TMEM132D: variants seen among roughly 807,000 people sequenced by gnomAD.
TMEM132D encodes the protein transmembrane protein 132D.
TMEM132D carries 21 observed loss-of-function variants against 62.3 expected under a neutral mutation model. The ratio of observed to expected loss-of-function variants is 0.34; its 90% CI spans 0.24 to 0.49. TMEM132D has a LOEUF of 0.49. TMEM132D is among the 20% of genes least tolerant of loss of function. The pLI is 0.99. For synonymous variants in TMEM132D, 621 were observed against 575.6 expected, an observed-to-expected ratio of 1.08 and a Z score of -1.13; for missense variants, 1,346 against 1,402.8, an observed-to-expected ratio of 0.96 and a Z score of 0.65.
At chr12:129,120,230 G>T (rs1390473991) in intron 5 of TMEM132D, among the ~76,000 whole-genome samples, 1 of 152,184 alleles carries the variant, frequency 6.6e-6, no homozygotes, top group Non-Finnish European at 1.5e-5. Context: ...CACCTACATG[G>T]TGAGGTACAG....
At chr12:129,406,158 A>C (rs1003260787) in intron 3 of TMEM132D, among the ~76,000 whole-genome samples, 9 of 152,240 alleles carry the variant, frequency 5.9e-5, no homozygotes, top group Non-Finnish European at 1.0e-4. Context: ...GCTTTACAAC[A>C]TACACCTTTT....
At chr12:129,722,096 A>T (rs1868853818) in intron 1 of TMEM132D, among the ~76,000 whole-genome samples, 1 of 152,194 alleles carries the variant, frequency 6.6e-6, no homozygotes, top group Non-Finnish European at 1.5e-5. Flanking sequence ...AGCCCATATG[A>T]CAGAAAACCT....
chr12:129,869,137 T>C (rs1331907726), intron 1 of TMEM132D, among the ~76,000 whole-genome samples: 2 of 152,044 alleles, frequency 1.3e-5, no homozygotes, highest in African/African-American at 4.8e-5. Flanking sequence ...CCATTATACA[T>C]TGTCTTATGC....
chr12:129,423,561 C>T (rs1281047651), intron 3 of TMEM132D, among the ~76,000 whole-genome samples: 2 of 152,082 alleles, frequency 1.3e-5, no homozygotes, highest in Non-Finnish European at 2.9e-5. Context: ...CAATGTCTTC[C>T]ACAGGAGGGG....
At chr12:129,802,900 TAAAAC>T (rs906812895) in intron 1 of TMEM132D, among the ~76,000 whole-genome samples, 5 of 151,116 alleles carry the variant, frequency 3.3e-5, no homozygotes, top group African/African-American at 1.2e-4. Context: ...TAGTCTCTGA[TAAAAC>T]AGACTTTAAA....
chr12:129,327,825 A>ACTCTG (rs1868964968), intron 4 of TMEM132D, among the ~76,000 whole-genome samples: 1 of 152,204 alleles, frequency 6.6e-6, no homozygotes, highest in Non-Finnish European at 1.5e-5. Flanking sequence ...AGTGATATTA[A>ACTCTG]AAAATAAATC....
chr12:129,497,071 G>C (rs1185259944), intron 3 of TMEM132D, among the ~76,000 whole-genome samples: 1 of 152,160 alleles, frequency 6.6e-6, no homozygotes, highest in Non-Finnish European at 1.5e-5. Flanking sequence ...ACTTTGAGAG[G>C]CTGAGACGGG....
intron 4 of TMEM132D, among the ~76,000 whole-genome samples, chr12:129,329,548 T>G (rs1230222970): frequency 6.6e-6 from 1 of 152,312 alleles, no homozygotes; most frequent in South Asian, 2.1e-4. Context: ...CTCCTTTCCC[T>G]AATTTGACAG....
At position 129,555,469 on chromosome 12, in the gene TMEM132D, T is replaced by A. The variant is rs73155289; in HGVS notation, c.969-24264A>T. Reference sequence around the variant, plus strand: ...AAATGTCGGCCTTATTAACCATACATGTTAAAATAGCTAGGGAAGCAACCA... The same window carrying A: ...AAATGTCGGCCTTATTAACCATACAAGTTAAAATAGCTAGGGAAGCAACCA... On this transcript the variant is annotated intron_variant, in intron 2 of 8. Coordinates refer to ENST00000422113, the MANE Select transcript of TMEM132D (RefSeq NM_133448.3). Among the ~76,000 whole-genome samples the A allele has an allele frequency of 2.6e-5, 4 of 152,320 alleles. No homozygotes were observed. In the East Asian group the frequency reaches 7.7e-4, roughly 29 times the overall value.
At chr12:129,381,891 C>T (rs1218691684) in intron 3 of TMEM132D, among the ~76,000 whole-genome samples, 2 of 152,176 alleles carry the variant, frequency 1.3e-5, no homozygotes, top group Non-Finnish European at 2.9e-5. Context: ...ACCACTTCCT[C>T]GGCTTCTGAA....
chr12:129,441,724 C>T (rs1024517236), intron 3 of TMEM132D, among the ~76,000 whole-genome samples: 8 of 152,058 alleles, frequency 5.3e-5, no homozygotes, highest in Non-Finnish European at 8.8e-5. Context: ...ATAGCAGCTA[C>T]GGAACCGACC....
Position 129,390,690 on chromosome 12 carries a change from C to T in TMEM132D, c.1116-52873G>A, listed in dbSNP as rs1160921349. ...CTTCCAAAGGCCTCTCTCCTTGGTC[C>T]TCCTTCTTCTTGCTGGTGACTCTGG... On this transcript the variant is annotated intron_variant, in intron 3 of 8. Transcript: ENST00000422113. 2.6e-5 allele frequency among the ~76,000 whole-genome samples: 4 copies of T among 152,234 alleles called. 1 individual carries two copies.
chr12:129,874,482 A>ACC (rs1874350873), intron 1 of TMEM132D, among the ~76,000 whole-genome samples: 1 of 151,984 alleles, frequency 6.6e-6, no homozygotes, highest in Admixed American at 6.6e-5. Context: ...TGCGTTCATT[A>ACC]ACTTGATTGT....
chr12:129,769,370 T>TA, intron 1 of TMEM132D, among the ~76,000 whole-genome samples: 1 of 152,128 alleles, frequency 6.6e-6, no homozygotes. Context: ...AAACCCCTTA[T>TA]AAAATCGTCA....
At chr12:129,891,574 A>C (rs558719105) in intron 1 of TMEM132D, among the ~76,000 whole-genome samples, 43 of 152,310 alleles carry the variant, frequency 2.8e-4, no homozygotes, top group Non-Finnish European at 4.4e-4. Context: ...CCTTTCAGGA[A>C]AGAACTTGGC....
Position 129,139,216 on chromosome 12 carries a change from ATTCT to A in TMEM132D, c.1444-54518_1444-54515del, listed in dbSNP as rs199681629. Among the ~76,000 whole-genome samples the A allele has an allele frequency of 6.1e-3, 926 of 152,300 alleles. 31 individuals carry two copies. Among genetic ancestry groups the A allele is most frequent in the Admixed American group, 0.05 (772 of 15,288 alleles). On this transcript the variant is annotated intron_variant, in intron 5 of 8. Coordinates refer to ENST00000422113, the MANE Select transcript of TMEM132D (RefSeq NM_133448.3). ...AGTGATGGGCTGCCTGACTCTCAAA[ATTCT>A]TTCTTTCCAGTAGAGAGCAAAACAT... is the stretch of plus-strand genomic sequence containing the variant.
intron 3 of TMEM132D, among the ~76,000 whole-genome samples, chr12:129,465,679 A>G (rs533056733): frequency 1.4e-4 from 21 of 152,296 alleles, no homozygotes; most frequent in Admixed American, 3.9e-4. Context: ...CCAAATCATG[A>G]GTGAACTCCT....
intron 5 of TMEM132D, among the ~76,000 whole-genome samples, chr12:129,135,470 C>T (rs781211612): frequency 6.6e-6 from 1 of 152,164 alleles, no homozygotes; most frequent in African/African-American, 2.4e-5. Context: ...ATCATCTCTG[C>T]TCCCCTGATA....
intron 2 of TMEM132D, among the ~76,000 whole-genome samples, chr12:129,549,889 G>A (rs545655859): frequency 1.1e-4 from 16 of 152,230 alleles, no homozygotes; most frequent in South Asian, 8.3e-4. Context: ...GCAAGACCTC[G>A]GCAAGTCTGT....
Sources: gnomAD v4.1 joint callset for allele counts (sites outside exome capture counted in the v4.1 genomes callset) on GRCh38, gnomAD v4.1.1 for gene constraint, MANE v1.5 for transcripts, NCBI Gene and HGNC (gene_info 2026-07-23, HGNC 2026-07-21) for gene names.